ARFGEF2: variants seen among roughly 807,000 people sequenced by gnomAD.
The protein encoded by ARFGEF2 is ARF guanine nucleotide exchange factor 2.
Under a neutral mutation model 219.9 loss-of-function variants are expected in ARFGEF2, and 74 were observed. The observed-to-expected ratio is 0.34, with a 90% CI of 0.28 to 0.41. The LOEUF is 0.41. Ranked by LOEUF, ARFGEF2 falls within the 10% of genes least tolerant of loss-of-function variation. The probability of loss-of-function intolerance (pLI) is 1.00; values close to 1 mark genes in which losing one functional copy is unlikely to be tolerated. For missense variants in ARFGEF2, 1,743 were observed against 2,218.3 expected (o/e 0.79, Z 4.30); for synonymous variants, 733 against 799.2 (o/e 0.92, Z 1.40).
chr20:49,019,090 T>G (rs1040183259), intron 34 of ARFGEF2, 92 bp downstream of exon 34: 30 of 1,075,386 alleles, frequency 2.8e-5, no homozygotes, highest in Non-Finnish European at 4.2e-5. Context: ...TGATAAGCCT[T>G]CTTCTGCCCT....
At chr20:48,954,128 C>G (rs1319069887) in intron 6 of ARFGEF2, among the ~76,000 whole-genome samples, 1 of 152,166 alleles carries the variant, frequency 6.6e-6, no homozygotes, top group Non-Finnish European at 1.5e-5. Context: ...CACAGGAGGA[C>G]AAGGGCTTAG....
intron 21 of ARFGEF2, 36 bp downstream of exon 21, chr20:48,991,234 G>A: frequency 1.2e-6 from 2 of 1,613,444 alleles, no homozygotes; most frequent in South Asian, 2.2e-5. Flanking sequence ...TCTCAGTTAG[G>A]ATGACTCCTG....
chr20:48,995,790 G>C lies in ARFGEF2; in HGVS notation c.3129G>C (p.Leu1043Phe). ...TTGTGCATTGTGTTTCAGGTAATTT[G>C]GTGAGTGGCGGAGTGGATAAAAGAC... ...EEFMGLGLGN[L>F]VSGGVDKRQM... Residue 1043 changes from leucine (L) to phenylalanine (F), a missense_variant, in exon 23 of 39, where the codon TTG (leucine) becomes TTC (phenylalanine). Coordinates refer to ENST00000371917, the MANE Select transcript of ARFGEF2 (RefSeq NM_006420.3). 1.9e-6 allele frequency: 3 copies of C among 1,614,034 alleles called. No homozygotes were observed. The highest frequency in any genetic ancestry group is 1.7e-6 in the Non-Finnish European group (2 of 1,179,940).
At chr20:48,990,523 A>G (rs2091351783) in intron 20 of ARFGEF2, among the ~76,000 whole-genome samples, 2 of 152,186 alleles carry the variant, frequency 1.3e-5, no homozygotes, top group South Asian at 2.1e-4. Flanking sequence ...TAAAAACTCA[A>G]TCTTCTGTTC....
At chr20:48,977,706 T>A (rs2091270672) in intron 14 of ARFGEF2, among the ~76,000 whole-genome samples, 1 of 152,224 alleles carries the variant, frequency 6.6e-6, no homozygotes, top group Admixed American at 6.5e-5. Context: ...GTGGTTTGGA[T>A]TTGCATTTCT....
At chr20:49,025,906 C>T (rs1392229588) in intron 36 of ARFGEF2, among the ~76,000 whole-genome samples, 1 of 151,360 alleles carries the variant, frequency 6.6e-6, no homozygotes, top group Non-Finnish European at 1.5e-5. Flanking sequence ...CGCTTGTACC[C>T]GGAAGGCGGA....
In ARFGEF2 at chr20:48,941,112, C is replaced by T. The variant is rs576038535; in HGVS notation, c.122-87C>T. The T allele has an allele frequency of 3.3e-6, 4 of 1,206,104 alleles. No homozygotes were observed. The South Asian group carries it at 3.9e-5, about 12-fold the overall frequency. 74.7% of individuals were successfully genotyped at this position (1,206,104 alleles called of 1,614,324 possible). A position where few individuals can be genotyped will look rare whatever the true frequency, so the allele number is the denominator to read the frequency against. ...TTAAACATCTCGTTAACAATCTTTTCAGTGGTCTCCAAATATCTTTTAGTA... is the reference window on the plus strand; with the variant it reads ...TTAAACATCTCGTTAACAATCTTTTTAGTGGTCTCCAAATATCTTTTAGTA... On this transcript the variant is annotated intron_variant, in intron 1 of 38. Transcript: ENST00000371917.
chr20:48,941,118 T>G, intron 1 of ARFGEF2, 81 bp from the exon 2 acceptor site: 1 of 1,263,432 alleles, frequency 7.9e-7, no homozygotes, highest in Non-Finnish European at 1.1e-6. Flanking sequence ...TTTTCAGTGG[T>G]CTCCAAATAT....
Position 48,965,588 on chromosome 20 carries a change from T to C in ARFGEF2, c.908-284T>C, listed in dbSNP as rs2295023. Among the ~76,000 whole-genome samples, 70,662 of 151,952 alleles carry C rather than the reference T, an allele frequency of 0.47. 18,040 individuals carry two copies. Among genetic ancestry groups the C allele is most frequent in the African/African-American group, 0.67 (27,917 of 41,462 alleles). On this transcript the variant is annotated intron_variant, in intron 7 of 38. Transcript: ENST00000371917. ...TTTTTCAAAAGTGAATGGGGGTGGG[T>C]AGGGCTGCTGCATTGCACAGTTCTG...
intron 35 of ARFGEF2, among the ~76,000 whole-genome samples, chr20:49,023,792 C>T: frequency 6.6e-6 from 1 of 152,082 alleles, no homozygotes; most frequent in Non-Finnish European, 1.5e-5. Context: ...CCCGCCTCGG[C>T]CTCCCAAAGT....
At position 49,022,150 on chromosome 20, in the gene ARFGEF2, G is replaced by A. The variant is rs1220332765; in HGVS notation, c.4625-901G>A. ...AGCCAGGGTGACAAAGCGAGACTCC[G>A]TCTCAAAAAAAAAAAAAAAAAAAAA... On this transcript the variant is annotated intron_variant, in intron 34 of 38. Coordinates refer to ENST00000371917, the MANE Select transcript of ARFGEF2 (RefSeq NM_006420.3). Among the ~76,000 whole-genome samples the A allele has an allele frequency of 4.1e-5, 4 of 97,894 alleles. No homozygotes were observed. The South Asian group carries it at 1.2e-3, about 30-fold the overall frequency. The allele number at this position is 97,894 out of a possible 152,430, so 64.2% of individuals were successfully genotyped here.
chr20:48,934,850 A>G (rs1282873998), intron 1 of ARFGEF2, among the ~76,000 whole-genome samples: 8 of 152,170 alleles, frequency 5.3e-5, no homozygotes, highest in Non-Finnish European at 1.2e-4. Context: ...AATGATTTGT[A>G]ATCCTTTGGG....
intron 34 of ARFGEF2, among the ~76,000 whole-genome samples, chr20:49,020,364 C>T (rs1278041577): frequency 6.6e-6 from 1 of 152,190 alleles, no homozygotes; most frequent in Non-Finnish European, 1.5e-5. Context: ...AAAGAGGTAT[C>T]GTGTTGGGAC....
intron 16 of ARFGEF2, 66 bp from the exon 17 acceptor site, chr20:48,988,238 C>T: frequency 8.5e-7 from 1 of 1,181,714 alleles, no homozygotes; most frequent in Non-Finnish European, 1.3e-6. Flanking sequence ...AAGTGTGTCT[C>T]TGTTAGCATT....
intron 6 of ARFGEF2, among the ~76,000 whole-genome samples, chr20:48,962,719 A>G (rs1210131549): frequency 6.6e-6 from 1 of 152,200 alleles, no homozygotes; most frequent in Non-Finnish European, 1.5e-5. Flanking sequence ...TTTGCCACGT[A>G]GATAGTTCCA....
chr20:49,016,339 T>C lies in ARFGEF2; in HGVS notation c.4239T>C (p.Phe1413=). Residue 1413 remains phenylalanine, a synonymous_variant, in exon 31 of 39, where the codon TTT becomes TTC. Transcript: ENST00000371917. ...NHALYAICDV[F]TQFYEALNEV... ...CACTTTATGCTATTTGTGATGTTTT[T>C]ACCCAGTTTTATGAAGCTTTGAATG... The C allele has an allele frequency of 6.2e-7, 1 of 1,614,080 alleles. No individual in the cohort carries two copies. Among genetic ancestry groups the C allele is most frequent in the Non-Finnish European group, 8.5e-7 (1 of 1,179,976 alleles).
At chr20:48,999,041 G>T (rs970012791) in intron 25 of ARFGEF2, among the ~76,000 whole-genome samples, 2 of 151,922 alleles carry the variant, frequency 1.3e-5, no homozygotes, top group African/African-American at 2.4e-5. Flanking sequence ...TTTGAGACCA[G>T]CCTGGCCAAC....
chr20:48,980,597 G>C (rs997781070), intron 14 of ARFGEF2, among the ~76,000 whole-genome samples: 1 of 152,092 alleles, frequency 6.6e-6, no homozygotes, highest in Non-Finnish European at 1.5e-5. Flanking sequence ...AAGTCTCCCA[G>C]TATTTTTGTT....
intron 1 of ARFGEF2, among the ~76,000 whole-genome samples, chr20:48,936,308 C>G (rs1408909672): frequency 6.7e-6 from 1 of 150,086 alleles, no homozygotes; most frequent in Non-Finnish European, 1.5e-5. Context: ...CTGACCCCCC[C>G]CACCTCCCTC....
Sources: gnomAD v4.1 joint callset for allele counts (sites outside exome capture counted in the v4.1 genomes callset) on GRCh38, gnomAD v4.1.1 for gene constraint, MANE v1.5 for transcripts, NCBI Gene and HGNC (gene_info 2026-07-23, HGNC 2026-07-21) for gene names.